The following DNAJC24 variants were observed in gnomAD, a reference collection of about 807,000 sequenced individuals.
DNAJC24 encodes DnaJ heat shock protein family (Hsp40) member C24, also known as dnaJ homolog subfamily C member 24.
In DNAJC24, 17 loss-of-function variants were observed where a neutral mutation model predicts 18.0. The observed-to-expected ratio is 0.94, with a 90% CI of 0.65 to 1.42. The LOEUF (loss-of-function observed/expected upper bound fraction) is 1.42. Among genes scored for constraint, DNAJC24 ranks in the 40% most tolerant of loss-of-function variants. The probability of loss-of-function intolerance (pLI) is 0.00; values close to 1 mark genes in which losing one functional copy is unlikely to be tolerated. For synonymous variants in DNAJC24, 55 were observed against 57.7 expected (o/e 0.95, Z 0.21); for missense variants, 158 against 175.6 (o/e 0.90, Z 0.57).
chr11:31,389,320 G>A (rs932154491), intron 2 of DNAJC24, among the ~76,000 whole-genome samples: 1 of 152,020 alleles, frequency 6.6e-6, no homozygotes, highest in African/African-American at 2.4e-5. Context: ...TACATTCCAT[G>A]CAAATTGAAA....
intron 2 of DNAJC24, chr11:31,373,980 A>T (rs1206846821): frequency 2.1e-5 from 5 of 236,122 alleles, no homozygotes; most frequent in Non-Finnish European, 2.8e-5. Context: ...TTTAATTTTC[A>T]TAGCTATTTT....
chr11:31,375,041 CTG>C (rs1355637443), intron 2 of DNAJC24, among the ~76,000 whole-genome samples: 6 of 134,246 alleles, frequency 4.5e-5, no homozygotes, highest in African/African-American at 1.5e-4. Flanking sequence ...GAGCCAGTTG[CTG>C]TGGTTCACAC....
chr11:31,386,456 C>T (rs1448590731), intron 2 of DNAJC24, among the ~76,000 whole-genome samples: 1 of 151,202 alleles, frequency 6.6e-6, no homozygotes, highest in African/African-American at 2.4e-5. Flanking sequence ...GCCCCCCATT[C>T]TAGGCTGTAG....
intron 4 of DNAJC24, chr11:31,429,398 A>G (rs1245079958): frequency 3.2e-6 from 1 of 315,938 alleles, no homozygotes; most frequent in African/African-American, 2.1e-5. Context: ...GTATGAAATC[A>G]TGAGTCCTTT....
At chr11:31,395,427 G>T (rs1418114637) in intron 2 of DNAJC24, among the ~76,000 whole-genome samples, 1 of 152,076 alleles carries the variant, frequency 6.6e-6, no homozygotes, top group Non-Finnish European at 1.5e-5. Context: ...TGGGATTGCT[G>T]GTCGAATGGT....
chr11:31,400,295 A>G (rs981951123), intron 2 of DNAJC24, among the ~76,000 whole-genome samples: 4 of 152,146 alleles, frequency 2.6e-5, no homozygotes, highest in Non-Finnish European at 4.4e-5. Flanking sequence ...TGCTGGGTCA[A>G]ATGGTATTTC....
rs542619704 is a variant in DNAJC24 at position 31,432,413 on chromosome 11, A to T, written c.*2012A>T. 1.2e-6 allele frequency: 1 copy of T among 857,102 alleles called. No homozygotes were observed. The highest frequency in any genetic ancestry group is 2.5e-5 in the East Asian group (1 of 40,296). The allele number at this position is 857,102 out of a possible 1,614,324, so 53.1% of individuals were successfully genotyped here. Reference sequence around the variant, plus strand: ...AAACAACTAAAACTGAATAGCAAATAGTTTATTGGTAAGTACACGGTTTCA... The same window carrying T: ...AAACAACTAAAACTGAATAGCAAATTGTTTATTGGTAAGTACACGGTTTCA... On this transcript the variant is annotated 3_prime_UTR_variant, in exon 5 of 5. Coordinates refer to ENST00000465995, the MANE Select transcript of DNAJC24 (RefSeq NM_181706.5).
chr11:31,380,326 C>T (rs1317769306), intron 2 of DNAJC24, among the ~76,000 whole-genome samples: 1 of 152,134 alleles, frequency 6.6e-6, no homozygotes, highest in Non-Finnish European at 1.5e-5. Flanking sequence ...AATCGAGTAA[C>T]ATGCAACGAA....
At chr11:31,400,630 A>C (rs1322927858) in intron 2 of DNAJC24, among the ~76,000 whole-genome samples, 2 of 152,168 alleles carry the variant, frequency 1.3e-5, no homozygotes. Context: ...AATGGGGAAA[A>C]GGTTCCTTAT....
At chr11:31,382,682 A>G (rs1042646038) in intron 2 of DNAJC24, among the ~76,000 whole-genome samples, 9 of 152,204 alleles carry the variant, frequency 5.9e-5, no homozygotes, top group Non-Finnish European at 8.8e-5. Context: ...ACACCACTCA[A>G]TACAGTACTT....
Position 31,396,631 on chromosome 11 carries a change from T to A in DNAJC24, c.112-18180T>A, listed in dbSNP as rs1952544631. Among the ~76,000 whole-genome samples, 3 of 152,136 alleles carry A rather than the reference T, an allele frequency of 2.0e-5. No individual in the cohort carries two copies. In the South Asian group the frequency reaches 6.2e-4, roughly 32 times the overall value. On this transcript the variant is annotated intron_variant, in intron 2 of 4. Transcript: ENST00000465995. ...CAGGAGGGCTACAGTAGCACAGTAG[T>A]TTTTTTATTGCCAATCTCCCTATCT...
chr11:31,422,032 T>C (rs577793697), intron 3 of DNAJC24: 8 of 411,136 alleles, frequency 1.9e-5, no homozygotes, highest in Admixed American at 8.3e-5. Flanking sequence ...GTTGAGACAA[T>C]GGAGCCACAG....
chr11:31,415,871 A>T (rs887487139), intron 3 of DNAJC24: 1 of 152,234 alleles, frequency 6.6e-6, no homozygotes, highest in Admixed American at 6.5e-5. Context: ...CTTTGTTAGT[A>T]CTAAGGTTAT....
intron 4 of DNAJC24, chr11:31,426,697 GTTT>G: frequency 6.3e-6 from 1 of 159,832 alleles, no homozygotes; most frequent in Non-Finnish European, 1.3e-5. Flanking sequence ...AAACAAGATA[GTTT>G]TTTTTTTCCG....
chr11:31,391,238 C>T (rs571009502), intron 2 of DNAJC24, among the ~76,000 whole-genome samples: 2 of 152,104 alleles, frequency 1.3e-5, no homozygotes, highest in African/African-American at 4.8e-5. Flanking sequence ...AAACCCACAG[C>T]TAGTATTATA....
intron 2 of DNAJC24, among the ~76,000 whole-genome samples, chr11:31,390,324 A>G (rs1365970061): frequency 2.4e-5 from 3 of 126,388 alleles, no homozygotes; most frequent in Non-Finnish European, 4.7e-5. Context: ...TGAACCCGGG[A>G]GGTGGAGGTG....
chr11:31,429,267 A>G (rs1042554683), intron 4 of DNAJC24, among the ~76,000 whole-genome samples: 1 of 151,448 alleles, frequency 6.6e-6, no homozygotes, highest in Non-Finnish European at 1.5e-5. Context: ...TTTAATTGCC[A>G]GTTTTTCCAA....
intron 2 of DNAJC24, among the ~76,000 whole-genome samples, chr11:31,385,924 A>C (rs1952425635): frequency 1.3e-5 from 2 of 152,168 alleles, no homozygotes; most frequent in Admixed American, 6.5e-5. Flanking sequence ...GCGTGGAAAG[A>C]GAATCCGTGT....
At chr11:31,415,009 G>T in intron 3 of DNAJC24, 60 bp downstream of exon 3, 1 of 1,564,010 alleles carries the variant, frequency 6.4e-7, no homozygotes, top group African/African-American at 1.4e-5. Flanking sequence ...ACACTCTGCA[G>T]CCATTCCTGG....
Sources: gnomAD v4.1 joint callset for allele counts (sites outside exome capture counted in the v4.1 genomes callset) on GRCh38, gnomAD v4.1.1 for gene constraint, MANE v1.5 for transcripts, NCBI Gene and HGNC (gene_info 2026-07-23, HGNC 2026-07-21) for gene names.